CNTN5: variants seen among roughly 807,000 people sequenced by gnomAD.
CNTN5 encodes contactin-5.
A neutral mutation model predicts 129.1 loss-of-function variants in CNTN5; 77 were observed. The ratio of observed to expected loss-of-function variants is 0.60; its 90% CI spans 0.50 to 0.72. The LOEUF (loss-of-function observed/expected upper bound fraction) is 0.72, where lower values mean the gene tolerates loss of function less well. CNTN5 is among the 30% of genes least tolerant of loss of function. CNTN5 has a pLI of 0.00. For missense variants in CNTN5, 1,478 were observed against 1,328.8 expected (o/e 1.11, Z -1.75); for synonymous variants, 509 against 465.6 (o/e 1.09, Z -1.20).
At chr11:99,048,156 AAT>A (rs1864289404) in intron 1 of CNTN5, among the ~76,000 whole-genome samples, 1 of 152,132 alleles carries the variant, frequency 6.6e-6, no homozygotes, top group African/African-American at 2.4e-5. Flanking sequence ...GTTCACAGTC[AAT>A]GCACAAAGTC....
chr11:100,157,775 G>C (rs897556183), intron 13 of CNTN5, among the ~76,000 whole-genome samples: 1 of 151,654 alleles, frequency 6.6e-6, no homozygotes, highest in African/African-American at 2.4e-5. Context: ...AGAATGGATA[G>C]AAACACCAAA....
intron 1 of CNTN5, among the ~76,000 whole-genome samples, chr11:99,069,030 A>T (rs1865222626): frequency 6.6e-6 from 1 of 152,066 alleles, no homozygotes; most frequent in Admixed American, 6.6e-5. Context: ...GTGGTTGGCG[A>T]TGACTCATCC....
intron 2 of CNTN5, among the ~76,000 whole-genome samples, chr11:99,385,937 C>T (rs1940899068): frequency 6.6e-6 from 1 of 152,124 alleles, no homozygotes; most frequent in Non-Finnish European, 1.5e-5. Context: ...CTATGCATTT[C>T]CTGTATAACT....
intron 4 of CNTN5, among the ~76,000 whole-genome samples, chr11:99,826,437 C>T (rs1591264809): frequency 6.6e-6 from 1 of 152,234 alleles, no homozygotes; most frequent in South Asian, 2.1e-4. Context: ...GAAACAGACA[C>T]ACATACGTAC....
intron 13 of CNTN5, among the ~76,000 whole-genome samples, chr11:100,092,614 A>G (rs1842986566): frequency 6.6e-6 from 1 of 152,162 alleles, no homozygotes; most frequent in Admixed American, 6.5e-5. Flanking sequence ...CTGGTTTTAA[A>G]CACTATTATA....
At chr11:99,951,966 A>G (rs563587606) in intron 7 of CNTN5, among the ~76,000 whole-genome samples, 23 of 152,324 alleles carry the variant, frequency 1.5e-4, no homozygotes, top group African/African-American at 5.3e-4. Flanking sequence ...TTATGGAGCA[A>G]CTACACACCA....
chr11:100,221,845 C>A (rs1193772506), intron 15 of CNTN5, among the ~76,000 whole-genome samples: 1 of 151,756 alleles, frequency 6.6e-6, no homozygotes, highest in Admixed American at 6.6e-5. Flanking sequence ...TCAAAGAAAG[C>A]AAGAAAACAA....
Position 99,811,070 on chromosome 11 carries a change from A to T in CNTN5, c.56-8474A>T, listed in dbSNP as rs190153491. Among the ~76,000 whole-genome samples the T allele has an allele frequency of 3.8e-3, 586 of 152,250 alleles. 4 individuals carry two copies. The highest frequency in any genetic ancestry group is 0.013 in the African/African-American group (551 of 41,570). On this transcript the variant is annotated intron_variant, in intron 3 of 24. Transcript: ENST00000524871. ...TAAAATCAAACTTCAAAAGTAGGGA[A>T]TACATGATTTATATGAATATCTGTC...
intron 1 of CNTN5, among the ~76,000 whole-genome samples, chr11:99,145,002 G>A (rs1338738875): frequency 2.0e-5 from 3 of 151,682 alleles, no homozygotes; most frequent in African/African-American, 7.3e-5. Flanking sequence ...TATTTATGTT[G>A]GTATCTGCAC....
chr11:99,610,714 A>C (rs1183213092), intron 3 of CNTN5, among the ~76,000 whole-genome samples: 2 of 152,134 alleles, frequency 1.3e-5, no homozygotes, highest in Non-Finnish European at 2.9e-5. Context: ...GGAAATGATA[A>C]AAGTTAGATA....
chr11:99,358,255 A>ATT (rs1186386021), intron 2 of CNTN5, among the ~76,000 whole-genome samples: 787 of 46,918 alleles, frequency 0.017, 102 homozygotes, highest in Admixed American at 0.023. Flanking sequence ...CGCCCTGCTG[A>ATT]TTTTTTTTTT....
chr11:99,433,540 C>G (rs1021861401), intron 2 of CNTN5, among the ~76,000 whole-genome samples: 1 of 151,948 alleles, frequency 6.6e-6, no homozygotes, highest in East Asian at 1.9e-4. Context: ...TTATTATTTT[C>G]TTTTAATTCA....
chr11:99,943,964 G>A (rs1436916666), intron 7 of CNTN5, among the ~76,000 whole-genome samples: 2 of 151,992 alleles, frequency 1.3e-5, no homozygotes, highest in African/African-American at 2.4e-5. Flanking sequence ...AAGTCAGGTA[G>A]CATTATGCCT....
chr11:100,318,011 A>G (rs1366527649), intron 21 of CNTN5, among the ~76,000 whole-genome samples: 2 of 152,098 alleles, frequency 1.3e-5, no homozygotes, highest in Non-Finnish European at 2.9e-5. Context: ...GGAGGCCCAG[A>G]TGGGCGGATC....
chr11:100,294,699 G>A (rs920720276), intron 18 of CNTN5, among the ~76,000 whole-genome samples: 3 of 151,520 alleles, frequency 2.0e-5, no homozygotes, highest in African/African-American at 7.3e-5. Context: ...CTCAGCAAAA[G>A]CATTTATTAG....
At chr11:99,810,440 C>T (rs1404764270) in intron 3 of CNTN5, among the ~76,000 whole-genome samples, 3 of 152,010 alleles carry the variant, frequency 2.0e-5, no homozygotes. Context: ...AAATGCCTGA[C>T]TCCAGTGCTT....
In CNTN5 at chr11:99,860,950, A is replaced by ATTTTTT. The variant is rs146364893; in HGVS notation, c.577+15706_577+15711dup. On this transcript the variant is annotated intron_variant, in intron 6 of 24. Transcript: ENST00000524871. ...TTCCATTAACATGGAATATGTCTTC[A>ATTTTTT]TTTTTTTTTTTTTTTTTTTTTTTGA... Among the ~76,000 whole-genome samples the ATTTTTT allele has an allele frequency of 6.8e-4, 62 of 91,016 alleles. 2 individuals are homozygous for ATTTTTT. Among genetic ancestry groups the ATTTTTT allele is most frequent in the East Asian group, 1.0e-3 (3 of 2,894 alleles). The allele number at this position is 91,016 out of a possible 152,430, so 59.7% of individuals were successfully genotyped here. A position where few individuals can be genotyped will look rare whatever the true frequency, so the allele number is the denominator to read the frequency against.
chr11:100,167,242 A>G (rs1015271045), intron 13 of CNTN5, among the ~76,000 whole-genome samples: 1 of 151,820 alleles, frequency 6.6e-6, no homozygotes, highest in African/African-American at 2.4e-5. Context: ...TCTTTCAGAG[A>G]GTGATTAAGA....
chr11:99,522,085 C>T (rs1406066123), intron 2 of CNTN5, among the ~76,000 whole-genome samples: 2 of 152,058 alleles, frequency 1.3e-5, no homozygotes, highest in African/African-American at 4.8e-5. Context: ...CTTGGGAAAA[C>T]TGACATGAAG....
Sources: allele counts gnomAD v4.1 joint callset (sites outside exome capture counted in the v4.1 genomes callset), GRCh38; gene constraint gnomAD v4.1.1; transcripts MANE v1.5; gene names NCBI Gene and HGNC (gene_info 2026-07-23, HGNC 2026-07-21).